The following LRRC37A2 variants were observed in gnomAD, a reference collection of about 807,000 sequenced individuals.
LRRC37A2 encodes the protein leucine rich repeat containing 37 member A2, also known as leucine-rich repeat-containing protein 37A2.
LRRC37A2 carries 9 observed loss-of-function variants against 68.8 expected under a neutral mutation model. The ratio of observed to expected loss-of-function variants is 0.13; its 90% confidence interval spans 0.08 to 0.23. The LOEUF is 0.23. Among genes scored for constraint, LRRC37A2 ranks in the 10% least tolerant of loss-of-function variants. The pLI is 1.00. For synonymous variants in LRRC37A2, 63 were observed against 367.6 expected (o/e 0.17, Z 9.48); for missense variants, 168 against 950.4 (o/e 0.18, Z 10.82).
At chr17:46,884,021 G>T in the LRRC37A2 span, among the ~76,000 whole-genome samples, 469 of 152,218 alleles carry the variant, frequency 3.1e-3, 2 homozygotes, top group African/African-American at 0.011. Context: ...GCCATGGAGA[G>T]TGGGCAGTGG....
chr17:46,717,489 G>T, the LRRC37A2 span, among the ~76,000 whole-genome samples: 3 of 152,156 alleles, frequency 2.0e-5, no homozygotes, highest in Non-Finnish European at 4.4e-5. Flanking sequence ...GAGGTGGGGG[G>T]ATCATGAGGT....
chr17:47,033,657 C>G, the LRRC37A2 span, among the ~76,000 whole-genome samples: 2 of 152,188 alleles, frequency 1.3e-5, no homozygotes, highest in Non-Finnish European at 2.9e-5. Flanking sequence ...TTTCATCTCT[C>G]TCTCCTCAGT....
chr17:47,037,446 G>A, the LRRC37A2 span, among the ~76,000 whole-genome samples: 3 of 152,162 alleles, frequency 2.0e-5, no homozygotes, highest in Non-Finnish European at 4.4e-5. Context: ...AACAATTGTA[G>A]TGAAACCATA....
At chr17:46,918,132 T>A in the LRRC37A2 span, among the ~76,000 whole-genome samples, 1 of 152,220 alleles carries the variant, frequency 6.6e-6, no homozygotes, top group Non-Finnish European at 1.5e-5. Flanking sequence ...CAGGCTAGAG[T>A]GCAGCGGCGC....
At chr17:47,047,707 G>A in the LRRC37A2 span, among the ~76,000 whole-genome samples, 2 of 151,924 alleles carry the variant, frequency 1.3e-5, no homozygotes, top group African/African-American at 4.8e-5. Context: ...AGTTTTATAA[G>A]AGTACAAGTG....
At chr17:46,490,978 T>C in the LRRC37A2 span, among the ~76,000 whole-genome samples, 1 of 150,102 alleles carries the variant, frequency 6.7e-6, no homozygotes, top group Non-Finnish European at 1.5e-5. Context: ...CACTGCAACC[T>C]CCACCTCCCG....
the LRRC37A2 span, among the ~76,000 whole-genome samples, chr17:47,039,890 C>G: frequency 1.3e-5 from 2 of 150,822 alleles, no homozygotes; most frequent in African/African-American, 4.8e-5. Context: ...GGTCAACAAT[C>G]TCAATTAACC....
At chr17:46,929,333 G>T in the LRRC37A2 span, among the ~76,000 whole-genome samples, 1 of 152,202 alleles carries the variant, frequency 6.6e-6, no homozygotes, top group Admixed American at 6.5e-5. Flanking sequence ...CAGTGTTATT[G>T]TTAGTAGTTA....
At chr17:46,734,501 A>G in the LRRC37A2 span, among the ~76,000 whole-genome samples, 1 of 152,120 alleles carries the variant, frequency 6.6e-6, no homozygotes, top group African/African-American at 2.4e-5. Flanking sequence ...TTTGCTTAGT[A>G]TAGTAGATTT....
At chr17:46,763,508 G>T in the LRRC37A2 span, 1 of 152,346 alleles carries the variant, frequency 6.6e-6, no homozygotes, top group Admixed American at 6.5e-5. Context: ...ATTGGCCCCA[G>T]AGAGGAAAGG....
the LRRC37A2 span, among the ~76,000 whole-genome samples, chr17:47,014,322 G>T: frequency 1.3e-5 from 2 of 151,312 alleles, no homozygotes; most frequent in Admixed American, 1.3e-4. Flanking sequence ...CCCAGGAGGT[G>T]GAGGTTGCAG....
the LRRC37A2 span, among the ~76,000 whole-genome samples, chr17:46,944,311 C>T: frequency 6.6e-6 from 1 of 152,272 alleles, no homozygotes. Context: ...GCCCAGGATG[C>T]AGAGCCTGGC....
At chr17:47,029,054 C>T in the LRRC37A2 span, among the ~76,000 whole-genome samples, 1 of 152,108 alleles carries the variant, frequency 6.6e-6, no homozygotes, top group Non-Finnish European at 1.5e-5. Context: ...TGGCGGGCGC[C>T]TGTGATCCTA....
At chr17:46,981,010 G>C in the LRRC37A2 span, among the ~76,000 whole-genome samples, 4,846 of 152,262 alleles carry the variant, frequency 0.032, 96 homozygotes, top group Middle Eastern at 0.078. Context: ...GCGAAGGGGG[G>C]TGGGGGCAGG....
the LRRC37A2 span, among the ~76,000 whole-genome samples, chr17:47,001,640 T>C: frequency 2.0e-5 from 3 of 151,786 alleles, no homozygotes; most frequent in African/African-American, 7.3e-5. Flanking sequence ...CCCTTGGTGA[T>C]CCTGCTTCCT....
chr17:46,900,650 C>T, the LRRC37A2 span, among the ~76,000 whole-genome samples: 1 of 152,110 alleles, frequency 6.6e-6, no homozygotes, highest in African/African-American at 2.4e-5. Flanking sequence ...AGTGTATACC[C>T]GCTTCTCGCA....
At chr17:46,709,511 A>G in the LRRC37A2 span, among the ~76,000 whole-genome samples, 6 of 150,902 alleles carry the variant, frequency 4.0e-5, no homozygotes, top group Non-Finnish European at 8.9e-5. Flanking sequence ...TTTTTTTTAA[A>G]TGAGATGGAG....
At chr17:46,820,085 A>G in the LRRC37A2 span, among the ~76,000 whole-genome samples, 7 of 152,210 alleles carry the variant, frequency 4.6e-5, no homozygotes, top group African/African-American at 9.6e-5. Flanking sequence ...GGTGAGGGCC[A>G]TGGCTGAAGG....
At chr17:46,607,981 G>A in the LRRC37A2 span, among the ~76,000 whole-genome samples, 1 of 131,780 alleles carries the variant, frequency 7.6e-6, no homozygotes, top group Non-Finnish European at 1.5e-5. Flanking sequence ...ACACCATTGA[G>A]GAGAAAGACC....
Sources: allele counts gnomAD v4.1 joint callset (sites outside exome capture counted in the v4.1 genomes callset), GRCh38; gene constraint gnomAD v4.1.1; transcripts MANE v1.5; gene names NCBI Gene and HGNC (gene_info 2026-07-23, HGNC 2026-07-21).